The following THSD7B variants were observed in gnomAD, a reference collection of about 807,000 sequenced individuals.
THSD7B encodes the protein thrombospondin type-1 domain-containing protein 7B.
THSD7B carries 138 observed loss-of-function variants against 213.6 expected under a neutral mutation model. The observed-to-expected ratio is 0.65, with a 90% CI of 0.56 to 0.74. THSD7B has a LOEUF of 0.74. Among genes scored for constraint, THSD7B ranks in the 30% least tolerant of loss-of-function variants. THSD7B has a pLI of 0.00. For missense variants in THSD7B, 1,931 were observed against 1,991.5 expected (o/e 0.97, Z 0.58); for synonymous variants, 742 against 687.0 (o/e 1.08, Z -1.25).
intron 20 of THSD7B, among the ~76,000 whole-genome samples, chr2:137,632,809 C>T (rs998921814): frequency 6.6e-6 from 1 of 152,188 alleles, no homozygotes; most frequent in Admixed American, 6.5e-5. Flanking sequence ...GGTCTTGTTA[C>T]TTCCCATGTA....
chr2:137,206,555 T>G (rs147572583), intron 7 of THSD7B, among the ~76,000 whole-genome samples: 3 of 152,156 alleles, frequency 2.0e-5, no homozygotes, highest in Non-Finnish European at 2.9e-5. Context: ...AGTATCAGCA[T>G]TTTAAAAGAG....
chr2:137,159,468 C>CA (rs1424310715), intron 5 of THSD7B, among the ~76,000 whole-genome samples: 2 of 149,574 alleles, frequency 1.3e-5, no homozygotes, highest in African/African-American at 5.0e-5. Context: ...TTTAAAAGAG[C>CA]AAAAAATAAA....
intron 12 of THSD7B, among the ~76,000 whole-genome samples, chr2:137,342,905 T>G (rs1684794422): frequency 6.6e-6 from 1 of 151,702 alleles, no homozygotes; most frequent in Non-Finnish European, 1.5e-5. Flanking sequence ...GTGGATGGTC[T>G]TTTTAATGGT....
intron 1 of THSD7B, among the ~76,000 whole-genome samples, chr2:136,796,956 C>T (rs988101690): frequency 1.4e-5 from 2 of 147,514 alleles, no homozygotes; most frequent in Admixed American, 1.4e-4. Flanking sequence ...ATTTTACTGG[C>T]CAAGATAGTG....
chr2:136,980,935 G>C (rs892889234), intron 2 of THSD7B, among the ~76,000 whole-genome samples: 2 of 151,958 alleles, frequency 1.3e-5, no homozygotes, highest in African/African-American at 4.8e-5. Flanking sequence ...GCTCTCTGGG[G>C]TCTCACCAAC....
chr2:137,378,332 GC>G (rs1236560065), intron 12 of THSD7B, among the ~76,000 whole-genome samples: 7 of 152,302 alleles, frequency 4.6e-5, no homozygotes, highest in Middle Eastern at 3.4e-3. Flanking sequence ...GGAAGGAGTG[GC>G]TAAAGAACTT....
At chr2:137,231,277 A>G in intron 8 of THSD7B, 42 bp downstream of exon 8, 1 of 1,531,370 alleles carries the variant, frequency 6.5e-7, no homozygotes, top group Non-Finnish European at 8.8e-7. Flanking sequence ...TCATTAGCCC[A>G]ATTATTATCA....
intron 15 of THSD7B, among the ~76,000 whole-genome samples, chr2:137,492,781 C>T (rs568522095): frequency 6.6e-6 from 1 of 152,178 alleles, no homozygotes; most frequent in African/African-American, 2.4e-5. Context: ...AAGAACTTAG[C>T]ACTTAAAACA....
chr2:136,937,741 G>A (rs1165694375), intron 2 of THSD7B, among the ~76,000 whole-genome samples: 1 of 152,118 alleles, frequency 6.6e-6, no homozygotes, highest in Non-Finnish European at 1.5e-5. Context: ...TCACTTTCTT[G>A]TAATGGAAGA....
intron 2 of THSD7B, among the ~76,000 whole-genome samples, chr2:137,039,313 A>T (rs1326710739): frequency 6.6e-6 from 1 of 152,194 alleles, no homozygotes; most frequent in Non-Finnish European, 1.5e-5. Flanking sequence ...TGATAGGATT[A>T]AACGATATAT....
At chr2:137,107,536 A>G (rs1379656967) in intron 4 of THSD7B, among the ~76,000 whole-genome samples, 1 of 152,218 alleles carries the variant, frequency 6.6e-6, no homozygotes, top group Non-Finnish European at 1.5e-5. Context: ...GAAGTATACC[A>G]CTAATAACAA....
chr2:136,789,162 A>G (rs2104912401), intron 1 of THSD7B, among the ~76,000 whole-genome samples: 1 of 152,204 alleles, frequency 6.6e-6, no homozygotes, highest in South Asian at 2.1e-4. Context: ...TAAAATTATA[A>G]CAGTTTGGTT....
intron 14 of THSD7B, among the ~76,000 whole-genome samples, chr2:137,430,241 C>T (rs1457463413): frequency 6.6e-6 from 1 of 152,052 alleles, no homozygotes; most frequent in Non-Finnish European, 1.5e-5. Context: ...GAGCAAGACC[C>T]TGACTCAAAA....
chr2:137,641,478 A>C (rs1238598844), intron 20 of THSD7B, among the ~76,000 whole-genome samples: 2 of 152,246 alleles, frequency 1.3e-5, no homozygotes, highest in Admixed American at 6.5e-5. Flanking sequence ...ATACAATTAC[A>C]TAATTAACTT....
intron 4 of THSD7B, among the ~76,000 whole-genome samples, chr2:137,107,763 C>T (rs964258176): frequency 1.3e-5 from 2 of 152,140 alleles, no homozygotes; most frequent in African/African-American, 2.4e-5. Flanking sequence ...TAACGTACTG[C>T]TAAGTGCTGT....
chr2:137,536,529 G>A (rs1680510606), intron 15 of THSD7B, among the ~76,000 whole-genome samples: 1 of 151,602 alleles, frequency 6.6e-6, no homozygotes. Context: ...TTTTACTAAA[G>A]CCAAGAAGAA....
At chr2:137,379,221 CT>C (rs1168286887) in intron 12 of THSD7B, among the ~76,000 whole-genome samples, 2 of 152,078 alleles carry the variant, frequency 1.3e-5, no homozygotes, top group African/African-American at 4.8e-5. Flanking sequence ...TAAAAATTCA[CT>C]TTTTTTGAGG....
intron 12 of THSD7B, among the ~76,000 whole-genome samples, chr2:137,316,514 G>C (rs941787427): frequency 6.6e-6 from 1 of 152,122 alleles, no homozygotes; most frequent in African/African-American, 2.4e-5. Flanking sequence ...GGTGGCTCAC[G>C]CCTGTAATCC....
rs140786209 is a variant in THSD7B at position 137,032,784 on chromosome 2, C to T, written c.140-23636C>T. Among the ~76,000 whole-genome samples the T allele has an allele frequency of 1.9e-3, 293 of 152,274 alleles. 2 individuals carry two copies. Among genetic ancestry groups the T allele is most frequent in the African/African-American group, 6.5e-3 (270 of 41,558 alleles). ...TGGAGTCATTTAATCATTTATAATGCATAAAAGTATCATGTAATATGTTTA... is the reference window on the plus strand; with the variant it reads ...TGGAGTCATTTAATCATTTATAATGTATAAAAGTATCATGTAATATGTTTA... On this transcript the variant is annotated intron_variant, in intron 2 of 27. Coordinates refer to ENST00000409968, the MANE Select transcript of THSD7B (RefSeq NM_001316349.2).
Sources: allele counts gnomAD v4.1 joint callset (sites outside exome capture counted in the v4.1 genomes callset), GRCh38; gene constraint gnomAD v4.1.1; transcripts MANE v1.5; gene names NCBI Gene and HGNC (gene_info 2026-07-23, HGNC 2026-07-21).